The following SLC38A11 variants were observed in gnomAD, a reference collection of about 807,000 sequenced individuals.
SLC38A11 encodes the protein putative sodium-coupled neutral amino acid transporter 11.
SLC38A11 carries 51 observed loss-of-function variants against 49.4 expected under a neutral mutation model. That is an observed-to-expected ratio of 1.03 (90% CI 0.83 to 1.30). The LOEUF (loss-of-function observed/expected upper bound fraction) is 1.30. SLC38A11 is among the 50% of genes most tolerant of loss of function. The probability of loss-of-function intolerance (pLI) is 0.00; values close to 1 mark genes in which losing one functional copy is unlikely to be tolerated. For synonymous variants in SLC38A11, 203 were observed against 192.9 expected (o/e 1.05, Z -0.43); for missense variants, 574 against 556.2 (o/e 1.03, Z -0.32).
At chr2:164,938,923 A>C (rs1687559332) in intron 6 of SLC38A11, among the ~76,000 whole-genome samples, 2 of 152,158 alleles carry the variant, frequency 1.3e-5, no homozygotes, top group South Asian at 4.1e-4. Context: ...TTTTCATTAG[A>C]AGAGTTCAGT....
intron 5 of SLC38A11, among the ~76,000 whole-genome samples, chr2:164,940,352 G>A (rs1256894675): frequency 2.7e-5 from 4 of 150,244 alleles, no homozygotes; most frequent in African/African-American, 9.8e-5. Context: ...TATTTTAAAA[G>A]CTCTGCTAAT....
At chr2:164,952,112 C>A (rs974569813) in intron 3 of SLC38A11, among the ~76,000 whole-genome samples, 5 of 152,058 alleles carry the variant, frequency 3.3e-5, no homozygotes, top group African/African-American at 9.7e-5. Flanking sequence ...GTAAAGCCTG[C>A]ATTTAAATGG....
chr2:164,929,628 G>C (rs1413103211), intron 7 of SLC38A11, among the ~76,000 whole-genome samples: 5 of 152,148 alleles, frequency 3.3e-5, no homozygotes, highest in African/African-American at 1.2e-4. Context: ...GACGATGTCT[G>C]ATTTCATTAA....
At chr2:164,940,770 G>A (rs1376088960) in intron 5 of SLC38A11, among the ~76,000 whole-genome samples, 1 of 150,460 alleles carries the variant, frequency 6.6e-6, no homozygotes, top group Non-Finnish European at 1.5e-5. Flanking sequence ...ATGTGTATGT[G>A]TGTGTATATA....
At chr2:164,939,408 A>C in intron 6 of SLC38A11, 42 bp downstream of exon 6, 1 of 1,353,106 alleles carries the variant, frequency 7.4e-7, no homozygotes, top group Non-Finnish European at 1.0e-6. Context: ...TTATGCAGGC[A>C]ACAAGGTACA....
chr2:164,932,377 G>A (rs1276642231), intron 7 of SLC38A11, among the ~76,000 whole-genome samples: 1 of 152,104 alleles, frequency 6.6e-6, no homozygotes, highest in African/African-American at 2.4e-5. Context: ...CTGAAAAACA[G>A]AGCTACCATT....
Position 164,904,458 on chromosome 2 carries a change from T to C in SLC38A11, c.1095+4182A>G, listed in dbSNP as rs577377410. The stretch of plus-strand genomic sequence containing the variant: ...GTTCTATTTTTTAATTCAATAACTA[T>C]TACCTCAATTCATTTTATTCTATAT... On this transcript the variant is annotated intron_variant, in intron 11 of 11. Coordinates refer to ENST00000685975, the MANE Select transcript of SLC38A11 (RefSeq NM_001351537.2). Among the ~76,000 whole-genome samples, 11 of 152,296 alleles carry C rather than the reference T, an allele frequency of 7.2e-5. No homozygotes were observed. In the South Asian group the frequency reaches 2.3e-3, roughly 32 times the overall value.
intron 3 of SLC38A11, among the ~76,000 whole-genome samples, chr2:164,952,245 G>A (rs554047421): frequency 2.0e-5 from 3 of 152,278 alleles, no homozygotes; most frequent in Admixed American, 1.3e-4. Flanking sequence ...GCGAGTTTGG[G>A]CAGGCATAAG....
At chr2:164,904,561 T>C (rs1684868397) in intron 11 of SLC38A11, among the ~76,000 whole-genome samples, 1 of 152,210 alleles carries the variant, frequency 6.6e-6, no homozygotes, top group South Asian at 2.1e-4. Context: ...CTCATTATTC[T>C]ACTTATTCAG....
chr2:164,915,911 A>G lies in SLC38A11; in HGVS notation c.680T>C (p.Met227Thr), dbSNP rs1685748302. The change falls in exon 8 of 12, where the codon ATG becomes ACG. Residue 227 changes from methionine to threonine, a missense_variant. By Grantham distance (81) the Met-to-Thr change is moderately conservative (BLOSUM62 -1). Transcript: ENST00000685975. Reference sequence around the variant, plus strand: ...TGAAACCAAATACTCACCAAAAGACATAACCCCGACCGCTTGAATGGCATT... The same window carrying G: ...TGAAACCAAATACTCACCAAAAGACGTAACCCCGACCGCTTGAATGGCATT... ...KPNAIQAVGV[M>T]SFAFICHHNS... 3.1e-6 allele frequency: 5 copies of G among 1,601,934 alleles called. No individual in the cohort carries two copies. Among genetic ancestry groups the G allele is most frequent in the East Asian group, 2.2e-5 (1 of 44,680 alleles).
At chr2:164,954,964 T>C (rs1688751191) in intron 1 of SLC38A11, among the ~76,000 whole-genome samples, 1 of 151,936 alleles carries the variant, frequency 6.6e-6, no homozygotes, top group South Asian at 2.1e-4. Flanking sequence ...AATTTCCAGA[T>C]TACAGCTGCC....
In SLC38A11 at chr2:164,952,793, T is replaced by A; in HGVS notation, c.155-12A>T. 1.3e-6 allele frequency: 2 copies of A among 1,588,128 alleles called. No homozygotes were observed. Among genetic ancestry groups the A allele is most frequent in the Non-Finnish European group, 1.7e-6 (2 of 1,170,710 alleles). On this transcript the variant is annotated splice_polypyrimidine_tract_variant and intron_variant, in intron 2 of 11. Transcript: ENST00000685975. Reference sequence around the variant, plus strand: ...TGAATAAGGCAATCCTGAAAAAACATAAAATGCCCCACCCTTCACATTAAC... The same window carrying A: ...TGAATAAGGCAATCCTGAAAAAACAAAAAATGCCCCACCCTTCACATTAAC...
At chr2:164,947,755 C>G (rs1185497951) in intron 3 of SLC38A11, among the ~76,000 whole-genome samples, 1 of 152,142 alleles carries the variant, frequency 6.6e-6, no homozygotes. Context: ...TATTTCATTA[C>G]TTTCTATATT....
Position 164,898,217 on chromosome 2 carries a change from A to T in SLC38A11, c.*220T>A. The T allele has an allele frequency of 2.2e-6, 1 of 450,778 alleles. No homozygotes were observed. Among genetic ancestry groups the T allele is most frequent in the Non-Finnish European group, 3.9e-6 (1 of 253,838 alleles). The allele number at this position is 450,778 out of a possible 1,614,324, so 27.9% of individuals were successfully genotyped here. ...TCCCTTCTTCAATTAGCATTAGTGT[A>T]GTGCAGTCATTAGAACAAAACCCTT... On this transcript the variant is annotated 3_prime_UTR_variant, in exon 12 of 12. Coordinates refer to ENST00000685975, the MANE Select transcript of SLC38A11 (RefSeq NM_001351537.2).
intron 7 of SLC38A11, among the ~76,000 whole-genome samples, chr2:164,929,349 A>G (rs531939740): frequency 1.6e-4 from 25 of 152,218 alleles, no homozygotes; most frequent in African/African-American, 4.6e-4. Flanking sequence ...TCCTATCCCT[A>G]GATCCAGGTG....
chr2:164,894,690 T>C lies in SLC38A11; in HGVS notation c.*3747A>G, dbSNP rs1180155263. On this transcript the variant is annotated 3_prime_UTR_variant, in exon 12 of 12. Coordinates refer to ENST00000685975, the MANE Select transcript of SLC38A11 (RefSeq NM_001351537.2). ...TGTTGATTTGGGGTTGTAATCTCTA[T>C]TTTCTCCCTTGTTAATTCTCCTCCC... Among the ~76,000 whole-genome samples the C allele has an allele frequency of 1.3e-5, 2 of 152,098 alleles. No individual in the cohort carries two copies. The highest frequency in any genetic ancestry group is 2.9e-5 in the Non-Finnish European group (2 of 68,024).
At chr2:164,933,300 A>G (rs1687137967) in intron 7 of SLC38A11, among the ~76,000 whole-genome samples, 2 of 152,018 alleles carry the variant, frequency 1.3e-5, no homozygotes, top group Non-Finnish European at 2.9e-5. Flanking sequence ...AATTGGGAGA[A>G]CTGTTATTGT....
chr2:164,898,768 G>T, intron 11 of SLC38A11, 38 bp from the exon 12 acceptor site: 1 of 1,568,844 alleles, frequency 6.4e-7, no homozygotes, highest in Non-Finnish European at 8.7e-7. Context: ...AATGTCACTA[G>T]ATGGAAACAT....
intron 7 of SLC38A11, among the ~76,000 whole-genome samples, chr2:164,928,206 C>A (rs867678298): frequency 2.3e-4 from 35 of 152,276 alleles, no homozygotes; most frequent in Middle Eastern, 3.4e-3. Context: ...GTAAAACATA[C>A]CACTAGCTCT....
Sources: gnomAD v4.1 joint callset for allele counts (sites outside exome capture counted in the v4.1 genomes callset) on GRCh38, gnomAD v4.1.1 for gene constraint, MANE v1.5 for transcripts, NCBI Gene and HGNC (gene_info 2026-07-23, HGNC 2026-07-21) for gene names.